The following CDH4 variants were observed in gnomAD, a reference collection of about 807,000 sequenced individuals.
The protein encoded by CDH4 is cadherin-4.
CDH4 carries 33 observed loss-of-function variants against 86.0 expected under a neutral mutation model. That is an observed-to-expected ratio of 0.38 (90% CI 0.29 to 0.51). The LOEUF (loss-of-function observed/expected upper bound fraction) is 0.51, where lower values mean the gene tolerates loss of function less well. CDH4 is among the 20% of genes least tolerant of loss of function. The probability of loss-of-function intolerance (pLI) is 0.86; values close to 1 mark genes in which losing one functional copy is unlikely to be tolerated. For missense variants in CDH4, 1,114 were observed against 1,307.4 expected (o/e 0.85, Z 2.28); for synonymous variants, 555 against 549.4 (o/e 1.01, Z -0.14).
intron 2 of CDH4, among the ~76,000 whole-genome samples, chr20:61,458,566 AGTGATGATG>A (rs1475033627): frequency 6.6e-6 from 1 of 151,840 alleles, no homozygotes; most frequent in Non-Finnish European, 1.5e-5. Context: ...AGGTGATGAT[AGTGATGATG>A]GTGATAATGA....
intron 2 of CDH4, among the ~76,000 whole-genome samples, chr20:61,645,178 C>T (rs1049931080): frequency 1.4e-4 from 22 of 152,218 alleles, no homozygotes; most frequent in African/African-American, 5.3e-4. Context: ...CAACAGTTTC[C>T]ATTGTTGTGT....
chr20:61,608,759 C>T (rs1270222946), intron 2 of CDH4, among the ~76,000 whole-genome samples: 2 of 152,184 alleles, frequency 1.3e-5, no homozygotes, highest in Admixed American at 6.5e-5. Flanking sequence ...AGGCTGCAGG[C>T]GTCACTGCCA....
At chr20:61,655,341 G>T (rs1164462933) in intron 2 of CDH4, among the ~76,000 whole-genome samples, 1 of 152,124 alleles carries the variant, frequency 6.6e-6, no homozygotes, top group Non-Finnish European at 1.5e-5. Context: ...CACAAAGTAT[G>T]TAAATATCAT....
At chr20:61,477,187 C>T (rs766762005) in intron 2 of CDH4, among the ~76,000 whole-genome samples, 6 of 152,178 alleles carry the variant, frequency 3.9e-5, no homozygotes, top group African/African-American at 1.2e-4. Flanking sequence ...AGGGAAGCCA[C>T]GCAGTGTGCG....
chr20:61,589,970 G>A (rs1406769454), intron 2 of CDH4, among the ~76,000 whole-genome samples: 3 of 151,990 alleles, frequency 2.0e-5, no homozygotes. Context: ...GGCCAGGGTC[G>A]GGAAGCAGCC....
chr20:61,286,129 G>A (rs1383667555), intron 2 of CDH4, among the ~76,000 whole-genome samples: 1 of 152,254 alleles, frequency 6.6e-6, no homozygotes, highest in African/African-American at 2.4e-5. Flanking sequence ...GTTGGCCAAG[G>A]TGAGCATTCA....
At chr20:61,724,458 G>GC (rs1356562827) in intron 2 of CDH4, among the ~76,000 whole-genome samples, 1 of 152,206 alleles carries the variant, frequency 6.6e-6, no homozygotes, top group African/African-American at 2.4e-5. Flanking sequence ...GCTCAGCCCT[G>GC]CCCCCTGCAC....
At chr20:61,405,659 C>A (rs571389982) in intron 2 of CDH4, among the ~76,000 whole-genome samples, 2 of 151,588 alleles carry the variant, frequency 1.3e-5, no homozygotes, top group South Asian at 2.1e-4. Context: ...TAGACTAGGT[C>A]TGGCTATATA....
chr20:61,865,669 G>A (rs1600722130), intron 6 of CDH4, among the ~76,000 whole-genome samples: 1 of 152,226 alleles, frequency 6.6e-6, no homozygotes, highest in Admixed American at 6.5e-5. Context: ...GCTGGTTAGT[G>A]TAGATGATAG....
At chr20:61,800,507 C>A (rs970571890) in intron 4 of CDH4, among the ~76,000 whole-genome samples, 1 of 152,252 alleles carries the variant, frequency 6.6e-6, no homozygotes, top group Non-Finnish European at 1.5e-5. Context: ...ATCTCCTCAT[C>A]GCCCCCCACA....
At chr20:61,282,710 AGTTGGTG>A (rs1272425682) in intron 2 of CDH4, among the ~76,000 whole-genome samples, 1 of 152,118 alleles carries the variant, frequency 6.6e-6, no homozygotes, top group East Asian at 1.9e-4. Context: ...TGTGCATGTG[AGTTGGTG>A]TGTGTGCATG....
intron 2 of CDH4, among the ~76,000 whole-genome samples, chr20:61,566,641 G>A (rs1014154289): frequency 6.6e-6 from 1 of 152,026 alleles, no homozygotes; most frequent in African/African-American, 2.4e-5. Flanking sequence ...CAGTGCCCAC[G>A]GGGTGCCCAT....
intron 2 of CDH4, among the ~76,000 whole-genome samples, chr20:61,390,308 TCGTG>T: frequency 6.8e-6 from 1 of 146,108 alleles, no homozygotes; most frequent in African/African-American, 2.6e-5. Context: ...CCGATTGAGA[TCGTG>T]CAGTCATAGG....
chr20:61,465,790 A>G (rs1365466413), intron 2 of CDH4, among the ~76,000 whole-genome samples: 3 of 152,106 alleles, frequency 2.0e-5, no homozygotes, highest in Non-Finnish European at 4.4e-5. Context: ...TGGAATTGTT[A>G]GAAATCATAA....
At chr20:61,932,359 G>A (rs1010146502) in intron 13 of CDH4, among the ~76,000 whole-genome samples, 1 of 152,234 alleles carries the variant, frequency 6.6e-6, no homozygotes, top group African/African-American at 2.4e-5. Flanking sequence ...GTGAGCTGGG[G>A]AGAGGGCCTG....
chr20:61,760,487 C>T (rs1161088107), intron 3 of CDH4, among the ~76,000 whole-genome samples: 1 of 152,214 alleles, frequency 6.6e-6, no homozygotes, highest in Non-Finnish European at 1.5e-5. Flanking sequence ...GGGGCCATGG[C>T]CTGAGTTCCA....
At chr20:61,406,411 C>T (rs2085082939) in intron 2 of CDH4, among the ~76,000 whole-genome samples, 1 of 150,858 alleles carries the variant, frequency 6.6e-6, no homozygotes, top group African/African-American at 2.4e-5. Flanking sequence ...CCCAGACCAC[C>T]ATCTGCTCTG....
chr20:61,812,238 G>C (rs1206359351), intron 4 of CDH4, among the ~76,000 whole-genome samples: 2 of 152,150 alleles, frequency 1.3e-5, no homozygotes, highest in Non-Finnish European at 2.9e-5. Flanking sequence ...GCAGCTAAGG[G>C]AGGGCGTGGT....
At chr20:61,485,539 G>GC (rs1177683178) in intron 2 of CDH4, among the ~76,000 whole-genome samples, 3 of 152,246 alleles carry the variant, frequency 2.0e-5, no homozygotes, top group African/African-American at 4.8e-5. Flanking sequence ...CAAGGAGAGA[G>GC]CTCCACGGTG....
Sources: gnomAD v4.1 joint callset for allele counts (sites outside exome capture counted in the v4.1 genomes callset) on GRCh38, gnomAD v4.1.1 for gene constraint, MANE v1.5 for transcripts, NCBI Gene and HGNC (gene_info 2026-07-23, HGNC 2026-07-21) for gene names.